Variants in LPIN1 observed in about 807,000 individuals in gnomAD.
LPIN1 encodes phosphatidate phosphatase LPIN1.
In LPIN1, 71 loss-of-function variants were observed where a neutral mutation model predicts 107.5. The ratio of observed to expected loss-of-function variants is 0.66; its 90% CI spans 0.55 to 0.80. The LOEUF (loss-of-function observed/expected upper bound fraction) is 0.80, where lower values mean the gene tolerates loss of function less well. Among genes scored for constraint, LPIN1 ranks in the 30% least tolerant of loss-of-function variants. LPIN1 has a pLI of 0.00. For synonymous variants in LPIN1, 445 were observed against 452.6 expected (o/e 0.98, Z 0.21); for missense variants, 1,043 against 1,160.6 (o/e 0.90, Z 1.47).
At chr2:11,706,503 G>C (rs1327229068) in intron 1 of LPIN1, among the ~76,000 whole-genome samples, 1 of 152,240 alleles carries the variant, frequency 6.6e-6, no homozygotes, top group Admixed American at 6.5e-5. Context: ...AACTTAGAGA[G>C]TGGTCAGAGG....
At chr2:11,782,135 A>G in intron 7 of LPIN1, 66 bp from the exon 8 acceptor site, 1 of 1,244,734 alleles carries the variant, frequency 8.0e-7, no homozygotes, top group Non-Finnish European at 1.2e-6. Flanking sequence ...TGGGTCACTC[A>G]GTTTTTCTGG....
intron 20 of LPIN1, among the ~76,000 whole-genome samples, chr2:11,824,360 T>C (rs1265494764): frequency 6.6e-6 from 1 of 151,492 alleles, no homozygotes; most frequent in African/African-American, 2.4e-5. Flanking sequence ...CGTCTTTTGC[T>C]TGGCTGTATC....
chr2:11,705,564 G>A (rs1482100051), intron 1 of LPIN1, among the ~76,000 whole-genome samples: 1 of 152,198 alleles, frequency 6.6e-6, no homozygotes, highest in African/African-American at 2.4e-5. Context: ...CTGTGGCCTG[G>A]GGGGTGAAGA....
chr2:11,769,715 A>G (rs1374588388), intron 3 of LPIN1, among the ~76,000 whole-genome samples: 1 of 152,110 alleles, frequency 6.6e-6, no homozygotes, highest in Admixed American at 6.5e-5. Flanking sequence ...ATTTATGGTT[A>G]TGTTTTCTAC....
chr2:11,806,899 T>G (rs1678786626), intron 17 of LPIN1, among the ~76,000 whole-genome samples: 1 of 152,208 alleles, frequency 6.6e-6, no homozygotes, highest in African/African-American at 2.4e-5. Context: ...CATTATTTAA[T>G]TATTCATCAT....
At chr2:11,701,737 A>G (rs930731229) in intron 1 of LPIN1, among the ~76,000 whole-genome samples, 1 of 152,222 alleles carries the variant, frequency 6.6e-6, no homozygotes, top group Non-Finnish European at 1.5e-5. Context: ...GAGGTCACAC[A>G]GATAGTGCCT....
rs1207423914 is a variant in LPIN1, at chr2:11,824,579, G to A, written c.2622-53G>A. On this transcript the variant is annotated intron_variant, in intron 20 of 20. Coordinates refer to ENST00000674199, the MANE Select transcript of LPIN1 (RefSeq NM_001349206.2). ...TCTCTTGACTTCTACGTGCAGCCCT[G>A]GGTGCATAGCTGGTATCGCTCAGTG... 3.1e-6 allele frequency: 5 copies of A among 1,596,398 alleles called. No individual in the cohort carries two copies. In the African/African-American group the frequency reaches 6.7e-5, roughly 22 times the overall value.
At chr2:11,714,667 G>A (rs1440042052) in intron 2 of LPIN1, among the ~76,000 whole-genome samples, 4 of 152,206 alleles carry the variant, frequency 2.6e-5, no homozygotes, top group South Asian at 2.1e-4. Context: ...TGGAGGCAGC[G>A]TGTGTGGATA....
chr2:11,710,929 C>T (rs1245909182), intron 1 of LPIN1, among the ~76,000 whole-genome samples: 2 of 152,166 alleles, frequency 1.3e-5, no homozygotes, highest in East Asian at 3.8e-4. Context: ...TTGAAATATA[C>T]TGGGTCACCA....
chr2:11,738,301 G>A (rs1665992752), intron 1 of LPIN1, among the ~76,000 whole-genome samples: 1 of 151,670 alleles, frequency 6.6e-6, no homozygotes, highest in Non-Finnish European at 1.5e-5. Context: ...GAGTTGATGG[G>A]TGCAGCAAAT....
At chr2:11,691,599 T>C (rs1020955512) in intron 1 of LPIN1, among the ~76,000 whole-genome samples, 1 of 152,228 alleles carries the variant, frequency 6.6e-6, no homozygotes, top group Admixed American at 6.5e-5. Flanking sequence ...CACTGACTGC[T>C]GTTGGAGCCC....
At chr2:11,692,287 G>A (rs1345849474) in intron 1 of LPIN1, among the ~76,000 whole-genome samples, 3 of 143,280 alleles carry the variant, frequency 2.1e-5, no homozygotes, top group South Asian at 4.2e-4. Flanking sequence ...TTCTTGCCTT[G>A]GCACATACTT....
intron 2 of LPIN1, among the ~76,000 whole-genome samples, chr2:11,767,124 GGAAA>G (rs1213593937): frequency 2.0e-5 from 3 of 152,208 alleles, no homozygotes; most frequent in Admixed American, 6.5e-5. Flanking sequence ...CCACACAAAT[GGAAA>G]GAAACAAATC....
chr2:11,782,330 G>C lies in LPIN1; in HGVS notation c.1087G>C (p.Gly363Arg), dbSNP rs774937420. 1.2e-6 allele frequency: 2 copies of C among 1,614,188 alleles called. No individual in the cohort carries two copies. The highest frequency in any genetic ancestry group is 2.2e-5 in the East Asian group (1 of 44,882). The change falls in exon 8 of 21, where the codon GGT becomes CGT. Residue 363 changes from glycine to arginine, a missense_variant. Physicochemically the swap from Gly to Arg is moderately radical, Grantham distance 125 (BLOSUM62 -2). Coordinates refer to ENST00000674199, the MANE Select transcript of LPIN1 (RefSeq NM_001349206.2). ...TAGTGACCAATCGCCAACTCTGGTC[G>C]GTGGGGCACTTTTGGACCAGAACAA... ...TFSDQSPTLV[G>R]GALLDQNKPQ... is the part of the protein sequence containing the mutation.
At chr2:11,815,014 T>A in intron 17 of LPIN1, 74 bp from the exon 18 acceptor site, 5 of 1,381,350 alleles carry the variant, frequency 3.6e-6, no homozygotes, top group Non-Finnish European at 5.1e-6. Context: ...AGAACAGATA[T>A]GGATCAGGAT....
At chr2:11,704,407 C>T (rs921030271) in intron 1 of LPIN1, among the ~76,000 whole-genome samples, 9 of 152,102 alleles carry the variant, frequency 5.9e-5, no homozygotes, top group African/African-American at 1.4e-4. Context: ...GGAGGCAGAG[C>T]GGGGTAGCAC....
chr2:11,819,043 T>TACAC lies in LPIN1; in HGVS notation c.2403-418_2403-415dup, dbSNP rs3037343. 4.7e-3 allele frequency: 733 copies of TACAC among 156,284 alleles called. 1 individual carries two copies. The highest frequency in any genetic ancestry group is 0.01 in the Middle Eastern group (3 of 300). The allele number at this position is 156,284 out of a possible 1,614,324, so 9.7% of individuals were successfully genotyped here. On this transcript the variant is annotated intron_variant, in intron 18 of 20. Coordinates refer to ENST00000674199, the MANE Select transcript of LPIN1 (RefSeq NM_001349206.2). ...CATTGCTACAATTTGTATACACACATACACACACACACACACACACACACA... is the reference window on the plus strand; with the variant it reads ...CATTGCTACAATTTGTATACACACATACACACACACACACACACACACACACACA...
intron 14 of LPIN1, among the ~76,000 whole-genome samples, chr2:11,795,817 A>T (rs530878034): frequency 4.2e-4 from 64 of 152,384 alleles, no homozygotes; most frequent in African/African-American, 1.3e-3. Flanking sequence ...GACAGTGATG[A>T]CAGGAATAAA....
rs149783944 is a variant in LPIN1, at chr2:11,700,158, G to A, written c.82-13598G>A. On this transcript the variant is annotated intron_variant, in intron 1 of 21. Transcript: ENST00000449576. ...CCTCTGATAGCCATCCACGTGTCAG[G>A]TGTGACTCAGGTTCTGGAAGGCCTG... Among the ~76,000 whole-genome samples the A allele has an allele frequency of 4.9e-4, 75 of 152,276 alleles. No individual in the cohort carries two copies. The East Asian group carries it at 0.013, about 27-fold the overall frequency.
Sources: allele counts gnomAD v4.1 joint callset (sites outside exome capture counted in the v4.1 genomes callset), GRCh38; gene constraint gnomAD v4.1.1; transcripts MANE v1.5; gene names NCBI Gene and HGNC (gene_info 2026-07-23, HGNC 2026-07-21).